Variants in DKK3 observed in about 807,000 individuals in gnomAD.
DKK3 encodes the protein dickkopf Wnt signaling pathway inhibitor 3.
Under a neutral mutation model 33.2 loss-of-function variants are expected in DKK3, and 22 were observed. The observed-to-expected ratio is 0.66, with a 90% CI of 0.47 to 0.95. The LOEUF is 0.95. DKK3 is among the 40% of genes least tolerant of loss of function. The pLI, the probability that DKK3 is intolerant of heterozygous loss-of-function variation, is 0.00. For missense variants in DKK3, 398 were observed against 458.4 expected (o/e 0.87, Z 1.20); for synonymous variants, 194 against 188.8 (o/e 1.03, Z -0.23).
chr11:12,007,199 G>T (rs541867290), intron 1 of DKK3, among the ~76,000 whole-genome samples: 1 of 152,290 alleles, frequency 6.6e-6, no homozygotes, highest in South Asian at 2.1e-4. Flanking sequence ...GGGCTGCGGG[G>T]AGAAAGCAAC....
chr11:11,993,436 A>G (rs1178616360), intron 3 of DKK3, among the ~76,000 whole-genome samples: 1 of 152,112 alleles, frequency 6.6e-6, no homozygotes, highest in East Asian at 1.9e-4. Context: ...CACAGTATTA[A>G]CTCCAAAGTA....
At chr11:11,965,690 C>G in intron 6 of DKK3, 119 bp downstream of exon 6, 1 of 1,320,762 alleles carries the variant, frequency 7.6e-7, no homozygotes, top group Non-Finnish European at 1.0e-6. Context: ...ACCTCTCAAA[C>G]CAATCCTAAA....
Position 11,964,554 on chromosome 11 carries a change from C to T in DKK3, c.963G>A (p.Leu321=), listed in dbSNP as rs78801113. The T allele has an allele frequency of 6.2e-7, 1 of 1,614,224 alleles. No homozygotes were observed. Among genetic ancestry groups the T allele is most frequent in the Non-Finnish European group, 8.5e-7 (1 of 1,180,050 alleles). The change falls in exon 7 of 7, where the codon CTG becomes CTA. Residue 321 remains leucine (L), a synonymous_variant. Transcript: ENST00000683431. The stretch of plus-strand genomic sequence containing the variant: ...CAGTCAGGCTCCTCTCCAGGTCCTC[C>T]AGCTCCTGGCGCACCTCCTCCATGA... The part of the protein sequence containing the change: ...GSFMEEVRQE[L]EDLERSLTEE...
At chr11:11,978,143 C>A (rs1847875042) in intron 3 of DKK3, among the ~76,000 whole-genome samples, 1 of 152,122 alleles carries the variant, frequency 6.6e-6, no homozygotes, top group South Asian at 2.1e-4. Flanking sequence ...AGGTGCATTT[C>A]TTGGAAGAGA....
chr11:11,989,102 G>C (rs1848134384), intron 3 of DKK3, among the ~76,000 whole-genome samples: 1 of 152,210 alleles, frequency 6.6e-6, no homozygotes, highest in Admixed American at 6.5e-5. Flanking sequence ...CTGCTGGTGG[G>C]AATGCAAAAT....
chr11:11,966,309 C>T lies in DKK3; in HGVS notation c.674-344G>A, dbSNP rs115350710. On this transcript the variant is annotated intron_variant, in intron 5 of 6. Transcript: ENST00000683431. ...TGAGCTCAGTGGAAAATGTCAGGGC[C>T]GGTGAAATTCCCAAATAGGCCAAGA... is the stretch of plus-strand genomic sequence containing the variant. 3.4e-3 allele frequency among the ~76,000 whole-genome samples: 516 copies of T among 152,170 alleles called. 2 individuals carry two copies. Among genetic ancestry groups the T allele is most frequent in the African/African-American group, 0.012 (486 of 41,498 alleles).
At chr11:11,967,316 A>G (rs1847621809) in intron 4 of DKK3, among the ~76,000 whole-genome samples, 1 of 152,132 alleles carries the variant, frequency 6.6e-6, no homozygotes, top group Non-Finnish European at 1.5e-5. Context: ...CACCGGGAGG[A>G]CTCATGGATC....
intron 1 of DKK3, among the ~76,000 whole-genome samples, chr11:12,006,267 A>G (rs1281743828): frequency 3.3e-5 from 5 of 152,206 alleles, no homozygotes; most frequent in African/African-American, 1.2e-4. Flanking sequence ...CACAGGAAAC[A>G]AAGATCATGG....
intron 3 of DKK3, among the ~76,000 whole-genome samples, chr11:11,995,799 A>G (rs770025787): frequency 2.0e-5 from 3 of 152,254 alleles, no homozygotes; most frequent in Non-Finnish European, 2.9e-5. Flanking sequence ...AAAGCCTCAC[A>G]ACAAAGACGT....
At chr11:11,997,870 C>T (rs557758632) in intron 3 of DKK3, among the ~76,000 whole-genome samples, 4 of 152,160 alleles carry the variant, frequency 2.6e-5, no homozygotes, top group East Asian at 1.9e-4. Flanking sequence ...GACCAAAAGA[C>T]GTGGGGAAAA....
chr11:11,966,791 G>A (rs745357666), intron 5 of DKK3, among the ~76,000 whole-genome samples, 163 bp downstream of exon 5: 4 of 152,176 alleles, frequency 2.6e-5, no homozygotes, highest in Non-Finnish European at 5.9e-5. Flanking sequence ...TTCCCACTCC[G>A]GGCAGAGGCT....
chr11:12,009,079 G>A, upstream of DKK3: 3 of 985,368 alleles, frequency 3.0e-6, no homozygotes, highest in Non-Finnish European at 3.6e-6. Context: ...TCCCCTTGGC[G>A]TCGGGTCCTA....
upstream of DKK3, chr11:12,008,640 C>T (rs995432215): frequency 7.7e-7 from 1 of 1,292,228 alleles, no homozygotes; most frequent in Non-Finnish European, 9.7e-7. The surrounding 1 kb of genome is among the most constrained non-coding windows in gnomAD (Gnocchi z 4.6). Flanking sequence ...CAGAGGCGCG[C>T]GGACCACCCC....
chr11:12,009,445 C>A, upstream of DKK3: 8 of 943,074 alleles, frequency 8.5e-6, no homozygotes, highest in Non-Finnish European at 1.0e-5. Context: ...ATTGGCCAGC[C>A]GGGGCGCCGG....
At chr11:11,981,777 A>ATG (rs1847958821) in intron 3 of DKK3, among the ~76,000 whole-genome samples, 1 of 152,082 alleles carries the variant, frequency 6.6e-6, no homozygotes, top group African/African-American at 2.4e-5. Context: ...CCCATGACTG[A>ATG]TGTCAGCAAC....
At chr11:11,998,533 T>C in intron 3 of DKK3, 163 bp downstream of exon 3, 2 of 707,624 alleles carry the variant, frequency 2.8e-6, no homozygotes, top group Non-Finnish European at 5.1e-6. Flanking sequence ...CTGGACTACA[T>C]CTGTCTGGTC....
chr11:11,992,433 C>T (rs1848206676), intron 3 of DKK3, among the ~76,000 whole-genome samples: 1 of 152,212 alleles, frequency 6.6e-6, no homozygotes. Flanking sequence ...GTCATCTAAA[C>T]CTTGTCTGTA....
At chr11:11,968,807 A>C (rs886818534) in intron 3 of DKK3, 2 of 229,678 alleles carry the variant, frequency 8.7e-6, no homozygotes, top group African/African-American at 4.5e-5. Flanking sequence ...TCTTCCACAC[A>C]GAACATATGG....
Position 11,964,075 on chromosome 11 carries a change from G to A in DKK3, c.*389C>T, listed in dbSNP as rs1297752718. ...TGCCAGGTTGATGTTTGCAAAGCAG[G>A]GCACTCTTCTCCACATTTCCCCAAA... On this transcript the variant is annotated 3_prime_UTR_variant, in exon 7 of 7. Transcript: ENST00000683431. 3 of 206,030 alleles carry A rather than the reference G, an allele frequency of 1.5e-5. No homozygotes were observed. The highest frequency in any genetic ancestry group is 4.6e-5 in the African/African-American group (2 of 43,284). 12.8% of individuals were successfully genotyped at this position (206,030 alleles called of 1,614,324 possible). A position where few individuals can be genotyped will look rare whatever the true frequency, so the allele number is the denominator to read the frequency against.
Sources: gnomAD v4.1 joint callset for allele counts (sites outside exome capture counted in the v4.1 genomes callset) on GRCh38, gnomAD v4.1.1 for gene constraint, Gnocchi (gnomAD v3.1) non-coding constraint, MANE v1.5 for transcripts, NCBI Gene and HGNC (gene_info 2026-07-23, HGNC 2026-07-21) for gene names.